TCF4: variants seen among roughly 807,000 people sequenced by gnomAD.
TCF4 encodes the protein transcription factor 4, also known as SL3-3 enhancer factor 2.
In TCF4, 3 loss-of-function variants were observed where a neutral mutation model predicts 82.1. That is an observed-to-expected ratio of 0.04 (90% CI 0.02 to 0.09). TCF4 has a LOEUF of 0.09. Among genes scored for constraint, TCF4 ranks in the 10% least tolerant of loss-of-function variants. The pLI is 1.00. For missense variants in TCF4, 518 were observed against 852.7 expected, an observed-to-expected ratio of 0.61 and a Z score of 4.89; for synonymous variants, 276 against 309.6, an observed-to-expected ratio of 0.89 and a Z score of 1.14.
intron 6 of TCF4, among the ~76,000 whole-genome samples, chr18:55,390,523 C>A (rs1206398377): frequency 6.6e-6 from 1 of 152,056 alleles, no homozygotes; most frequent in South Asian, 2.1e-4. Flanking sequence ...AGGCTCTATA[C>A]AGCTGATTTA....
At chr18:55,585,433 A>G (rs2097631657) in intron 2 of TCF4, 81 bp from the exon 3 acceptor site, 1 of 1,259,458 alleles carries the variant, frequency 7.9e-7, no homozygotes, top group African/African-American at 1.5e-5. Context: ...TCATACTGTT[A>G]CCAAACAGCT....
At chr18:55,431,400 C>T (rs554173070) in intron 5 of TCF4, among the ~76,000 whole-genome samples, 1 of 152,312 alleles carries the variant, frequency 6.6e-6, no homozygotes, top group African/African-American at 2.4e-5. Flanking sequence ...TCGCCTCAGC[C>T]TCCCGAGTAG....
chr18:55,581,936 A>G (rs1466759302), intron 3 of TCF4, among the ~76,000 whole-genome samples: 1 of 152,150 alleles, frequency 6.6e-6, no homozygotes, highest in African/African-American at 2.4e-5. Flanking sequence ...CAACTTTTAA[A>G]CTAAGGGAGA....
At chr18:55,577,138 A>G (rs1444260735) in intron 3 of TCF4, among the ~76,000 whole-genome samples, 1 of 146,122 alleles carries the variant, frequency 6.8e-6, no homozygotes, top group Non-Finnish European at 1.5e-5. Context: ...ATTTATATAT[A>G]CATTTATATA....
chr18:55,422,102 A>G, intron 5 of TCF4: 1 of 648,492 alleles, frequency 1.5e-6, no homozygotes, highest in Non-Finnish European at 1.9e-6. Context: ...AAAAAGCACA[A>G]AAAAAAAAAA....
At position 55,379,803 on chromosome 18, in the gene TCF4, C is replaced by T. The variant is rs546677283; in HGVS notation, c.369+23651G>A. ...GGGTAGCCTAAACAACAAGCATTTA[C>T]TTCTAACAGTTCCGGAGGCTAGAAT... is the stretch of plus-strand genomic sequence containing the variant. On this transcript the variant is annotated intron_variant, in intron 6 of 19. Coordinates refer to ENST00000354452, the MANE Select transcript of TCF4 (RefSeq NM_001083962.2). 1.8e-4 allele frequency among the ~76,000 whole-genome samples: 27 copies of T among 152,268 alleles called. 1 individual carries two copies. Among genetic ancestry groups the T allele is most frequent in the Non-Finnish European group, 8.8e-5 (6 of 68,012 alleles).
At chr18:55,534,873 G>A (rs1299587377) in intron 3 of TCF4, among the ~76,000 whole-genome samples, 1 of 152,182 alleles carries the variant, frequency 6.6e-6, no homozygotes, top group African/African-American at 2.4e-5. Context: ...ATGACTGTGA[G>A]CATGCCAATA....
In TCF4 at chr18:55,468,058, C is replaced by T. The variant is rs116763688; in HGVS notation, c.146-3921G>A. 8.6e-3 allele frequency among the ~76,000 whole-genome samples: 1,309 copies of T among 152,254 alleles called. 10 individuals are homozygous for T. Among genetic ancestry groups the T allele is most frequent in the Middle Eastern group, 0.027 (8 of 294 alleles). ...TCACATCTCTGTCTAACCAGCTGAACGTTCCCTCCTGTCACTTCTCCCCAC... is the reference window on the plus strand; with the variant it reads ...TCACATCTCTGTCTAACCAGCTGAATGTTCCCTCCTGTCACTTCTCCCCAC... On this transcript the variant is annotated intron_variant, in intron 3 of 19. Coordinates refer to ENST00000354452, the MANE Select transcript of TCF4 (RefSeq NM_001083962.2).
chr18:55,374,619 T>C lies in TCF4; in HGVS notation c.370-23616A>G, dbSNP rs181311407. Among the ~76,000 whole-genome samples the C allele has an allele frequency of 1.1e-3, 171 of 152,050 alleles. 2 individuals carry two copies. The highest frequency in any genetic ancestry group is 3.7e-3 in the African/African-American group (154 of 41,502). On this transcript the variant is annotated intron_variant, in intron 6 of 19. Coordinates refer to ENST00000354452, the MANE Select transcript of TCF4 (RefSeq NM_001083962.2). ...AAATCCAGTTCTGAAGTACTAGTCT[T>C]GCCAGGCGCGGTGGCTCACATTTGT...
chr18:55,627,832 G>A (rs9675703), intron 2 of TCF4, among the ~76,000 whole-genome samples: 3 of 151,944 alleles, frequency 2.0e-5, no homozygotes, highest in African/African-American at 7.3e-5. Context: ...AGGCCGAGGC[G>A]GGCGGATCAC....
chr18:55,552,652 T>C lies in TCF4; in HGVS notation c.145+32628A>G, dbSNP rs1212103178. Among the ~76,000 whole-genome samples the C allele has an allele frequency of 2.0e-5, 3 of 152,268 alleles. No individual in the cohort carries two copies. In the East Asian group the frequency reaches 5.8e-4, roughly 29 times the overall value. On this transcript the variant is annotated intron_variant, in intron 3 of 19. Transcript: ENST00000354452. ...AACTGTACCAGGAATACTGTTTTTA[T>C]ACATCGCTTAATGGGCAAAATGCCA...
At chr18:55,266,684 A>T (rs1169801568) in intron 11 of TCF4, 3 of 152,138 alleles carry the variant, frequency 2.0e-5, no homozygotes, top group Non-Finnish European at 2.9e-5. Context: ...CATTAATGTA[A>T]TCCAAGTAAG....
rs992809771 is a variant in TCF4, at chr18:55,435,245, T to G, written c.304+25774A>C. 2.0e-5 allele frequency among the ~76,000 whole-genome samples: 3 copies of G among 152,324 alleles called. No homozygotes were observed. The South Asian group carries it at 6.2e-4, about 32-fold the overall frequency. On this transcript the variant is annotated intron_variant, in intron 5 of 19. Transcript: ENST00000354452. The stretch of plus-strand genomic sequence containing the variant: ...TATAAATGATAGGTAACCTTCAACT[T>G]TACCTGTAAATATGTTGAGTTAAGA...
intron 6 of TCF4, among the ~76,000 whole-genome samples, chr18:55,364,376 T>C (rs758640122): frequency 2.2e-4 from 34 of 152,332 alleles, no homozygotes; most frequent in African/African-American, 7.7e-4. Flanking sequence ...TTTTTAAAAG[T>C]AGCTTCTGTA....
At chr18:55,372,415 T>C (rs151163423) in intron 6 of TCF4, among the ~76,000 whole-genome samples, 1 of 152,024 alleles carries the variant, frequency 6.6e-6, no homozygotes, top group Non-Finnish European at 1.5e-5. Flanking sequence ...TGTGATGCAA[T>C]AATCGGGTGA....
intron 2 of TCF4, chr18:55,585,963 T>C (rs2097640856): frequency 5.4e-6 from 7 of 1,307,076 alleles, no homozygotes; most frequent in Non-Finnish European, 6.9e-6. Context: ...ATCTAGTGGA[T>C]AATGCACACC....
At chr18:55,506,856 CTTTTTTTTTTCT>C (rs1461913712) in intron 3 of TCF4, among the ~76,000 whole-genome samples, 1 of 146,384 alleles carries the variant, frequency 6.8e-6, no homozygotes, top group East Asian at 2.0e-4. Flanking sequence ...TATGATCTTT[CTTTTTTTTTTCT>C]TTTTTTTTTT....
intron 5 of TCF4, among the ~76,000 whole-genome samples, chr18:55,427,967 A>G (rs2095054443): frequency 6.6e-6 from 1 of 152,244 alleles, no homozygotes; most frequent in Non-Finnish European, 1.5e-5. Context: ...ACGTGAATGA[A>G]AAGTGCAAAC....
At chr18:55,420,485 G>C (rs2094694573) in intron 5 of TCF4, among the ~76,000 whole-genome samples, 1 of 152,130 alleles carries the variant, frequency 6.6e-6, no homozygotes, top group Admixed American at 6.5e-5. Flanking sequence ...GAATCACCCT[G>C]AAGTTTTTCT....
Sources: allele counts gnomAD v4.1 joint callset (sites outside exome capture counted in the v4.1 genomes callset), GRCh38; gene constraint gnomAD v4.1.1; transcripts MANE v1.5; gene names NCBI Gene and HGNC (gene_info 2026-07-23, HGNC 2026-07-21).